BANP: variants seen among roughly 807,000 people sequenced by gnomAD.
The protein encoded by BANP is BTG3 associated nuclear protein, also known as protein BANP.
In BANP, 11 loss-of-function variants were observed where a neutral mutation model predicts 68.1. That is an observed-to-expected ratio of 0.16 (90% CI 0.10 to 0.27). BANP has a LOEUF of 0.27. Ranked by LOEUF, BANP falls within the 10% of genes least tolerant of loss-of-function variation. The pLI is 1.00. For missense variants in BANP, 504 were observed against 722.7 expected (o/e 0.70, Z 3.47); for synonymous variants, 329 against 303.2 (o/e 1.09, Z -0.88).
intron 1 of BANP, among the ~76,000 whole-genome samples, chr16:87,954,678 C>T (rs987191978): frequency 6.6e-6 from 1 of 152,240 alleles, no homozygotes; most frequent in Non-Finnish European, 1.5e-5. Flanking sequence ...TTGGCCTGCC[C>T]GCAGGGCTCT....
At chr16:88,075,729 T>G (rs926305683) in intron 13 of BANP, among the ~76,000 whole-genome samples, 1 of 149,466 alleles carries the variant, frequency 6.7e-6, no homozygotes, top group Non-Finnish European at 1.5e-5. Context: ...ATTCCAAGAC[T>G]GTATGTTTTT....
At position 88,019,017 on chromosome 16, in the gene BANP, C is replaced by T. The variant is rs188300663; in HGVS notation, c.895+350C>T. On this transcript the variant is annotated intron_variant, in intron 7 of 13. Coordinates refer to ENST00000682872, the MANE Select transcript of BANP (RefSeq NM_001386991.1). ...GGGGCCTTCCCTGCTGTCCTGGCCACGCTGACCCAGGCCCCCCTGAGCCTC... is the reference window on the plus strand; with the variant it reads ...GGGGCCTTCCCTGCTGTCCTGGCCATGCTGACCCAGGCCCCCCTGAGCCTC... 1.8e-3 allele frequency among the ~76,000 whole-genome samples: 159 copies of T among 90,100 alleles called. 1 individual carries two copies. The highest frequency in any genetic ancestry group is 9.3e-3 in the South Asian group (21 of 2,254). The allele number at this position is 90,100 out of a possible 152,430, so 59.1% of individuals were successfully genotyped here. A position where few individuals can be genotyped will look rare whatever the true frequency, so the allele number is the denominator to read the frequency against.
chr16:87,952,055 AC>A (rs2144310759), intron 1 of BANP: 1 of 151,586 alleles, frequency 6.6e-6, no homozygotes, highest in South Asian at 2.1e-4. Context: ...CTCGGCGACG[AC>A]CCCAGCCCGT....
intron 1 of BANP, among the ~76,000 whole-genome samples, chr16:87,961,506 T>A (rs114798390): frequency 6.7e-6 from 1 of 149,660 alleles, no homozygotes; most frequent in Non-Finnish European, 1.5e-5. Context: ...AAACAACATA[T>A]CGGAGCAGAC....
intron 4 of BANP, among the ~76,000 whole-genome samples, chr16:88,001,249 G>A (rs2069198381): frequency 7.6e-6 from 1 of 131,486 alleles, no homozygotes; most frequent in Non-Finnish European, 1.6e-5. Flanking sequence ...CACGTGCGCG[G>A]CTGGACTTAC....
chr16:88,051,556 G>A (rs2083281208), intron 11 of BANP, among the ~76,000 whole-genome samples: 1 of 152,198 alleles, frequency 6.6e-6, no homozygotes, highest in Non-Finnish European at 1.5e-5. Context: ...GTGTTCCCAC[G>A]TAGACATGGA....
chr16:88,054,473 CTACCAACAA>C (rs1458777034), intron 11 of BANP, among the ~76,000 whole-genome samples: 1 of 151,722 alleles, frequency 6.6e-6, no homozygotes, highest in African/African-American at 2.4e-5. Flanking sequence ...CTCACCACCA[CTACCAACAA>C]CACATCTATC....
chr16:87,972,326 A>T (rs1472838423), intron 1 of BANP, among the ~76,000 whole-genome samples: 2 of 115,766 alleles, frequency 1.7e-5, no homozygotes, highest in African/African-American at 2.8e-5. Context: ...TCTGAGTTCT[A>T]GCACCTTGTT....
At chr16:88,068,193 C>T (rs1388686247) in intron 12 of BANP, among the ~76,000 whole-genome samples, 1 of 152,172 alleles carries the variant, frequency 6.6e-6, no homozygotes, top group Non-Finnish European at 1.5e-5. Flanking sequence ...GTGGCACGGG[C>T]TCCTGAGAGC....
chr16:88,066,037 G>A (rs373732220), intron 12 of BANP, among the ~76,000 whole-genome samples: 24 of 152,184 alleles, frequency 1.6e-4, no homozygotes, highest in East Asian at 1.9e-4. Context: ...CTGGGATAGC[G>A]TCCGAGCAGC....
chr16:88,017,648 C>T (rs1458076276), intron 6 of BANP, among the ~76,000 whole-genome samples: 1 of 152,116 alleles, frequency 6.6e-6, no homozygotes, highest in Non-Finnish European at 1.5e-5. Flanking sequence ...GGCTGGCGGG[C>T]GTCACTGCCT....
intron 7 of BANP, among the ~76,000 whole-genome samples, chr16:88,025,571 G>A (rs1222325733): frequency 1.3e-5 from 2 of 152,166 alleles, no homozygotes; most frequent in African/African-American, 4.8e-5. Flanking sequence ...GTCCTGACTG[G>A]TTTCTTTTTG....
intron 4 of BANP, among the ~76,000 whole-genome samples, chr16:88,001,659 A>G (rs918483807): frequency 6.6e-6 from 1 of 152,256 alleles, no homozygotes; most frequent in African/African-American, 2.4e-5. Context: ...CTTTAAAAAC[A>G]AAACTGGTTT....
intron 1 of BANP, among the ~76,000 whole-genome samples, chr16:87,974,502 C>T (rs935575297): frequency 4.6e-5 from 7 of 152,172 alleles, no homozygotes; most frequent in Non-Finnish European, 7.3e-5. Context: ...GCTGCCACTC[C>T]GCCGGGCCTG....
intron 7 of BANP, among the ~76,000 whole-genome samples, chr16:88,019,947 C>T (rs574139817): frequency 1.6e-4 from 24 of 152,184 alleles, no homozygotes; most frequent in Non-Finnish European, 2.5e-4. Flanking sequence ...CACCCACATG[C>T]GTGTGAGCAG....
chr16:88,043,849 A>G (rs2152795221), intron 11 of BANP, among the ~76,000 whole-genome samples: 1 of 152,292 alleles, frequency 6.6e-6, no homozygotes, highest in East Asian at 1.9e-4. Flanking sequence ...AGAATCTTTA[A>G]TTTGGTGCAG....
intron 2 of BANP, 181 bp from the exon 3 acceptor site, chr16:87,980,855 T>A: frequency 1.7e-6 from 1 of 576,504 alleles, no homozygotes; most frequent in East Asian, 3.0e-5. Context: ...TTTCTTGGGA[T>A]TAAGGAGTTA....
rs145414396 is a variant in BANP at position 88,045,954 on chromosome 16, G to A, written c.1311+7943G>A. Among the ~76,000 whole-genome samples, 1,074 of 152,344 alleles carry A rather than the reference G, an allele frequency of 7.0e-3. 17 individuals carry two copies. The highest frequency in any genetic ancestry group is 0.024 in the African/African-American group (992 of 41,584). On this transcript the variant is annotated intron_variant, in intron 11 of 13. Coordinates refer to ENST00000682872, the MANE Select transcript of BANP (RefSeq NM_001386991.1). Reference sequence around the variant, plus strand: ...AGGAAGTTGGTGGGCTTCGCTGGGCGCACACGGCCCACCTGGCACTCACCA... The same window carrying A: ...AGGAAGTTGGTGGGCTTCGCTGGGCACACACGGCCCACCTGGCACTCACCA...
chr16:88,056,783 A>G (rs7501249), intron 11 of BANP, among the ~76,000 whole-genome samples: 2 of 152,166 alleles, frequency 1.3e-5, no homozygotes, highest in Non-Finnish European at 2.9e-5. Context: ...CATTTCTTTT[A>G]CCTGTCATAC....
Sources: gnomAD v4.1 joint callset for allele counts (sites outside exome capture counted in the v4.1 genomes callset) on GRCh38, gnomAD v4.1.1 for gene constraint, MANE v1.5 for transcripts, NCBI Gene and HGNC (gene_info 2026-07-23, HGNC 2026-07-21) for gene names.